Variants in EXTL3 observed in about 807,000 individuals in gnomAD.
EXTL3 encodes the protein exostosin like glycosyltransferase 3.
A neutral mutation model predicts 69.3 loss-of-function variants in EXTL3; 27 were observed. The observed-to-expected ratio is 0.39, with a 90% CI of 0.29 to 0.54. The LOEUF (loss-of-function observed/expected upper bound fraction) is 0.54, where lower values mean the gene tolerates loss of function less well. Ranked by LOEUF, EXTL3 falls within the 20% of genes least tolerant of loss-of-function variation. The pLI is 0.69. For missense variants in EXTL3, 1,003 were observed against 1,231.8 expected, an observed-to-expected ratio of 0.81 and a Z score of 2.78; for synonymous variants, 511 against 499.4, an observed-to-expected ratio of 1.02 and a Z score of -0.31.
chr8:28,689,347 G>A (rs1373782149), intron 1 of EXTL3, among the ~76,000 whole-genome samples: 2 of 152,076 alleles, frequency 1.3e-5, no homozygotes, highest in East Asian at 3.9e-4. Context: ...CTCTCCCACA[G>A]CTCCAGCCTC....
chr8:28,702,156 C>T (rs894439615), intron 1 of EXTL3, among the ~76,000 whole-genome samples: 5 of 152,296 alleles, frequency 3.3e-5, no homozygotes, highest in East Asian at 1.9e-4. Context: ...CACCTTCCCA[C>T]ATCTGCCCCC....
At chr8:28,630,965 A>C (rs867169907) in intron 1 of EXTL3, among the ~76,000 whole-genome samples, 5 of 152,256 alleles carry the variant, frequency 3.3e-5, no homozygotes, top group African/African-American at 1.2e-4. Flanking sequence ...TATAAAACAT[A>C]AAAGTGATCA....
At chr8:28,649,918 C>T (rs757284065) in intron 1 of EXTL3, among the ~76,000 whole-genome samples, 6 of 151,944 alleles carry the variant, frequency 3.9e-5, no homozygotes, top group East Asian at 1.9e-4. Flanking sequence ...GTTGAAAGCC[C>T]GGGCACGGTG....
intron 1 of EXTL3, among the ~76,000 whole-genome samples, chr8:28,633,744 A>G (rs1585222897): frequency 6.6e-6 from 1 of 152,198 alleles, no homozygotes; most frequent in East Asian, 1.9e-4. Context: ...CATGCTGTCT[A>G]AAGATGTTAC....
upstream of EXTL3, chr8:28,699,580 C>T (rs1800743953): frequency 6.6e-6 from 1 of 152,446 alleles, no homozygotes; most frequent in Non-Finnish European, 1.5e-5. Flanking sequence ...GCGATCTCGG[C>T]TCCCTGCAAC....
intron 1 of EXTL3, among the ~76,000 whole-genome samples, chr8:28,692,231 T>C (rs915927403): frequency 6.6e-6 from 1 of 152,228 alleles, no homozygotes; most frequent in Non-Finnish European, 1.5e-5. Flanking sequence ...TGTTGGTTTT[T>C]TGCCCTCCAA....
intron 2 of EXTL3, among the ~76,000 whole-genome samples, chr8:28,612,286 T>C (rs1442653507): frequency 6.6e-6 from 1 of 151,982 alleles, no homozygotes. Context: ...AAACCCTGTC[T>C]CTATTAAAAA....
chr8:28,682,846 A>G (rs974567899), intron 1 of EXTL3, among the ~76,000 whole-genome samples: 4 of 152,172 alleles, frequency 2.6e-5, no homozygotes, highest in Non-Finnish European at 5.9e-5. Context: ...AACCAATGTC[A>G]AGAAGCTTTT....
At chr8:28,656,896 T>C (rs1807019865) in intron 1 of EXTL3, among the ~76,000 whole-genome samples, 1 of 152,044 alleles carries the variant, frequency 6.6e-6, no homozygotes, top group Admixed American at 6.6e-5. Flanking sequence ...TTTCTTTCTT[T>C]CTTTCTTTCT....
At chr8:28,672,963 T>A (rs1286238289) in intron 1 of EXTL3, among the ~76,000 whole-genome samples, 1 of 152,194 alleles carries the variant, frequency 6.6e-6, no homozygotes, top group Admixed American at 6.5e-5. Flanking sequence ...AAGGGGAGTT[T>A]CCCTGCACAA....
intron 1 of EXTL3, among the ~76,000 whole-genome samples, chr8:28,710,064 T>C (rs1175610847): frequency 5.9e-5 from 9 of 152,254 alleles, no homozygotes; most frequent in Non-Finnish European, 1.5e-5. Context: ...AAAGGTAGAA[T>C]GCTGGCCACA....
At chr8:28,702,231 C>G (rs1371017957) in intron 1 of EXTL3, among the ~76,000 whole-genome samples, 1 of 152,182 alleles carries the variant, frequency 6.6e-6, no homozygotes, top group African/African-American at 2.4e-5. Context: ...CGCCTCCTTT[C>G]AGGAGCCACA....
intron 1 of EXTL3, among the ~76,000 whole-genome samples, chr8:28,668,757 C>A (rs921306417): frequency 2.0e-5 from 3 of 151,938 alleles, no homozygotes; most frequent in Admixed American, 1.3e-4. Flanking sequence ...CCCCAACATA[C>A]TTCTCATATC....
chr8:28,694,051 G>A (rs1800652910), intron 1 of EXTL3, among the ~76,000 whole-genome samples: 2 of 152,182 alleles, frequency 1.3e-5, no homozygotes, highest in Non-Finnish European at 2.9e-5. Flanking sequence ...AAGGCTTGCT[G>A]AGTGGATTGT....
intron 1 of EXTL3, among the ~76,000 whole-genome samples, chr8:28,672,000 C>T (rs774775554): frequency 2.0e-5 from 3 of 152,112 alleles, no homozygotes; most frequent in African/African-American, 4.8e-5. Flanking sequence ...AACTTATGTT[C>T]CTCCGCTTTC....
chr8:28,631,900 C>T (rs1217477303), intron 1 of EXTL3, among the ~76,000 whole-genome samples: 1 of 151,290 alleles, frequency 6.6e-6, no homozygotes, highest in Non-Finnish European at 1.5e-5. Flanking sequence ...CCATCCTGGC[C>T]AACATGGTGA....
chr8:28,726,879 C>CTT lies in EXTL3; in HGVS notation c.2149-4324_2149-4323dup, dbSNP rs11458194. ...GTGAATCTTTAACAGCTTTTCTTTT[C>CTT]TTTTTTTTTTTTTTTTTTTTTGAGA... On this transcript the variant is annotated intron_variant, in intron 3 of 6. Coordinates refer to ENST00000220562, the MANE Select transcript of EXTL3 (RefSeq NM_001440.4). Among the ~76,000 whole-genome samples, 977 of 99,870 alleles carry CTT rather than the reference C, an allele frequency of 9.8e-3. 37 individuals are homozygous for CTT. The highest frequency in any genetic ancestry group is 0.022 in the African/African-American group (541 of 24,612). The allele number at this position is 99,870 out of a possible 152,430, so 65.5% of individuals were successfully genotyped here.
intron 1 of EXTL3, among the ~76,000 whole-genome samples, chr8:28,636,639 C>T (rs964616021): frequency 4.6e-5 from 7 of 152,166 alleles, no homozygotes; most frequent in South Asian, 2.1e-4. Flanking sequence ...GGAATCCTTT[C>T]GGCCACTTTG....
At position 28,654,084 on chromosome 8, in the gene EXTL3, A is replaced by G. The variant is rs540408277; in HGVS notation, c.-53+31274A>G. On this transcript the variant is annotated intron_variant, in intron 1 of 6. Transcript: ENST00000523149. ...TTTTGGAAATGTTTTATATTTTTTC[A>G]CTGATTACATTTTAAGTTAGTTGTT... Among the ~76,000 whole-genome samples the G allele has an allele frequency of 3.9e-5, 6 of 152,204 alleles. No homozygotes were observed. In the South Asian group the frequency reaches 1.0e-3, roughly 26 times the overall value.
Sources: gnomAD v4.1 joint callset for allele counts (sites outside exome capture counted in the v4.1 genomes callset) on GRCh38, gnomAD v4.1.1 for gene constraint, MANE v1.5 for transcripts, NCBI Gene and HGNC (gene_info 2026-07-23, HGNC 2026-07-21) for gene names.